Variants in BCAR3 observed in about 807,000 individuals in gnomAD.
BCAR3 encodes breast cancer anti-estrogen resistance protein 3.
A neutral mutation model predicts 80.1 loss-of-function variants in BCAR3; 37 were observed. That is an observed-to-expected ratio of 0.46 (90% CI 0.36 to 0.61). BCAR3 has a LOEUF of 0.61. Among genes scored for constraint, BCAR3 ranks in the 20% least tolerant of loss-of-function variants. BCAR3 has a pLI of 0.00. For missense variants in BCAR3, 978 were observed against 1,068.2 expected (o/e 0.92, Z 1.18); for synonymous variants, 389 against 418.9 (o/e 0.93, Z 0.87).
intron 3 of BCAR3, among the ~76,000 whole-genome samples, chr1:93,598,550 G>C (rs1406574120): frequency 6.6e-6 from 1 of 152,170 alleles, no homozygotes; most frequent in Non-Finnish European, 1.5e-5. Flanking sequence ...GGCTGCCAGT[G>C]GGGGATGGAT....
At position 93,694,647 on chromosome 1, in the gene BCAR3, A is replaced by T. The variant is rs114164531; in HGVS notation, c.-12+11445T>A. ...TCCTGATCATTAAAGTCACCTGATC[A>T]TCAGAATCATGCACATCCCCTGGCT... On this transcript the variant is annotated intron_variant, in intron 3 of 13. Coordinates refer to the BCAR3 transcript ENST00000370244. 3.2e-3 allele frequency among the ~76,000 whole-genome samples: 483 copies of T among 152,286 alleles called. 3 individuals are homozygous for T. The highest frequency in any genetic ancestry group is 0.011 in the African/African-American group (461 of 41,558).
At chr1:93,639,715 G>A (rs1373082030) in intron 3 of BCAR3, among the ~76,000 whole-genome samples, 2 of 152,020 alleles carry the variant, frequency 1.3e-5, no homozygotes, top group Non-Finnish European at 2.9e-5. Context: ...GACCTCGGGT[G>A]ATCTGCCCAC....
At chr1:93,809,642 C>T in intron 2 of BCAR3, among the ~76,000 whole-genome samples, 1 of 151,846 alleles carries the variant, frequency 6.6e-6, no homozygotes, top group East Asian at 1.9e-4. Flanking sequence ...GCTGTGGGTG[C>T]CTGTAATCCC....
intron 3 of BCAR3, among the ~76,000 whole-genome samples, chr1:93,624,209 T>C (rs922436107): frequency 2.0e-5 from 3 of 152,172 alleles, no homozygotes; most frequent in Non-Finnish European, 2.9e-5. Flanking sequence ...TCCTGGAGGA[T>C]GTTTCCAAAA....
At chr1:93,728,152 T>C (rs1195583056) in intron 2 of BCAR3, among the ~76,000 whole-genome samples, 1 of 152,252 alleles carries the variant, frequency 6.6e-6, no homozygotes, top group Non-Finnish European at 1.5e-5. Context: ...TAAATTTCTA[T>C]TGTTTTAAGC....
intron 2 of BCAR3, among the ~76,000 whole-genome samples, chr1:93,816,670 C>CAAA (rs60051218): frequency 1.5e-4 from 8 of 53,884 alleles, no homozygotes; most frequent in African/African-American, 2.7e-4. Context: ...GACTCCATCT[C>CAAA]AAAAAAAAAA....
At chr1:93,681,948 G>C (rs939479017), upstream of BCAR3, 1 of 152,082 alleles carries the variant, frequency 6.6e-6, no homozygotes, top group African/African-American at 2.4e-5. Context: ...ATTTACATTC[G>C]GTGACCTAGC....
intron 2 of BCAR3, among the ~76,000 whole-genome samples, chr1:93,803,300 A>C (rs1401292357): frequency 6.6e-6 from 1 of 152,126 alleles, no homozygotes; most frequent in Non-Finnish European, 1.5e-5. Context: ...GACCAGACAA[A>C]AGAGCTTTGA....
At chr1:93,784,123 A>G (rs1282213561) in intron 2 of BCAR3, among the ~76,000 whole-genome samples, 1 of 151,358 alleles carries the variant, frequency 6.6e-6, no homozygotes, top group Non-Finnish European at 1.5e-5. Context: ...CCCTCAGTTG[A>G]GCCGCATGGC....
chr1:93,672,913 C>A (rs1314380245), intron 2 of BCAR3, among the ~76,000 whole-genome samples: 1 of 152,152 alleles, frequency 6.6e-6, no homozygotes, highest in Non-Finnish European at 1.5e-5. Context: ...GCACCAACAC[C>A]AACACTGTTC....
chr1:93,780,183 C>T (rs1385988394), intron 2 of BCAR3, among the ~76,000 whole-genome samples: 1 of 152,232 alleles, frequency 6.6e-6, no homozygotes, highest in Non-Finnish European at 1.5e-5. Flanking sequence ...CATTTTCCCA[C>T]ATCCTGTGGG....
At chr1:93,647,695 A>G (rs1676183426) in intron 2 of BCAR3, among the ~76,000 whole-genome samples, 1 of 152,150 alleles carries the variant, frequency 6.6e-6, no homozygotes, top group South Asian at 2.1e-4. Flanking sequence ...GGAGATTTGA[A>G]GCGCTCTCAC....
intron 2 of BCAR3, among the ~76,000 whole-genome samples, chr1:93,817,029 G>A (rs968913514): frequency 1.3e-5 from 2 of 152,130 alleles, no homozygotes; most frequent in Non-Finnish European, 2.9e-5. Context: ...AGCTTGGGAG[G>A]GCAATAACTT....
intron 3 of BCAR3, among the ~76,000 whole-genome samples, chr1:93,639,476 T>C (rs1675912188): frequency 2.0e-5 from 2 of 97,848 alleles, no homozygotes; most frequent in Non-Finnish European, 4.8e-5. Flanking sequence ...GGGAGCAGCA[T>C]TTTTTTTTTT....
chr1:93,589,026 C>A lies in BCAR3; in HGVS notation c.880G>T (p.Gly294Cys). The A allele has an allele frequency of 3.7e-6, 6 of 1,603,986 alleles. No homozygotes were observed. Among genetic ancestry groups the A allele is most frequent in the Non-Finnish European group, 5.1e-6 (6 of 1,172,900 alleles). The change falls in exon 5 of 12, where the codon GGT becomes TGT. Residue 294 changes from glycine to cysteine, a missense_variant. Coordinates refer to ENST00000260502, the MANE Select transcript of BCAR3 (RefSeq NM_003567.4). ...TTCTGCTCTCGGGCCTGGACGCCAC[C>A]CATGGTGAGGCTCAGCCTCTTGGCC... ...DVAKRLSLTM[G>C]GVQAREQNLP...
chr1:93,618,146 C>G (rs1434237564), intron 3 of BCAR3, among the ~76,000 whole-genome samples: 1 of 152,238 alleles, frequency 6.6e-6, no homozygotes, highest in Non-Finnish European at 1.5e-5. Flanking sequence ...TCCCTATATG[C>G]AAATCTGATT....
intron 2 of BCAR3, among the ~76,000 whole-genome samples, chr1:93,823,564 G>T (rs12410147): frequency 0.13 from 17,885 of 134,296 alleles, 4,361 homozygotes; most frequent in East Asian, 0.38. Flanking sequence ...ACATTGACAG[G>T]CAAAATACTG....
chr1:93,653,388 C>T (rs1040367409), intron 2 of BCAR3, among the ~76,000 whole-genome samples: 1 of 152,238 alleles, frequency 6.6e-6, no homozygotes, highest in Non-Finnish European at 1.5e-5. Flanking sequence ...TGGCACACCT[C>T]CTGTGTGCAC....
At chr1:93,649,064 A>G (rs1676238635) in intron 2 of BCAR3, among the ~76,000 whole-genome samples, 1 of 152,220 alleles carries the variant, frequency 6.6e-6, no homozygotes, top group Non-Finnish European at 1.5e-5. Context: ...TGCATAAGAA[A>G]GCTCTAGTAA....
Sources: allele counts gnomAD v4.1 joint callset (sites outside exome capture counted in the v4.1 genomes callset), GRCh38; gene constraint gnomAD v4.1.1; transcripts MANE v1.5; gene names NCBI Gene and HGNC (gene_info 2026-07-23, HGNC 2026-07-21).